Variants in CHL1 observed in about 807,000 individuals in gnomAD.
CHL1 encodes the protein cell adhesion molecule L1 like.
Under a neutral mutation model 141.9 loss-of-function variants are expected in CHL1, and 96 were observed. The ratio of observed to expected loss-of-function variants is 0.68; its 90% CI spans 0.57 to 0.80. The LOEUF is 0.80. Among genes scored for constraint, CHL1 ranks in the 30% least tolerant of loss-of-function variants. The pLI, the probability that CHL1 is intolerant of heterozygous loss-of-function variation, is 0.00. For missense variants in CHL1, 1,820 were observed against 1,457.2 expected (o/e 1.25, Z -4.05); for synonymous variants, 613 against 502.2 (o/e 1.22, Z -2.95).
intron 2 of CHL1, among the ~76,000 whole-genome samples, chr3:264,696 TC>T (rs757543091): frequency 1.3e-5 from 2 of 152,254 alleles, no homozygotes; most frequent in Admixed American, 1.3e-4. Context: ...TGATCCTTGG[TC>T]TTTTAACAAA....
chr3:354,842 T>G (rs1703578440), intron 11 of CHL1, 71 bp downstream of exon 11: 1 of 1,560,752 alleles, frequency 6.4e-7, no homozygotes, highest in Non-Finnish European at 8.7e-7. Context: ...TGGTCAGACG[T>G]GTGTAAAATG....
chr3:251,434 G>A (rs987014539), intron 2 of CHL1, among the ~76,000 whole-genome samples: 6 of 152,114 alleles, frequency 3.9e-5, no homozygotes, highest in African/African-American at 7.2e-5. Context: ...CGTAAAGTGG[G>A]CTCATAATCC....
chr3:242,064 A>G (rs17271940), intron 1 of CHL1, among the ~76,000 whole-genome samples: 33,370 of 152,116 alleles, frequency 0.22, 3,789 homozygotes, highest in Middle Eastern at 0.33. Context: ...TCCCTCCACT[A>G]TATGTATATC....
chr3:210,249 T>A (rs1699794316), intron 1 of CHL1, among the ~76,000 whole-genome samples: 1 of 152,260 alleles, frequency 6.6e-6, no homozygotes, highest in Non-Finnish European at 1.5e-5. Flanking sequence ...TATCACTGAA[T>A]GACAAACTAA....
Position 383,812 on chromosome 3 carries a change from T to C in CHL1, c.2177-4T>C. ...AAATAATGTTAATGTTTTTAATTTTTCAGCTCCAGATAGGAATCCACAAAA... is the reference window on the plus strand; with the variant it reads ...AAATAATGTTAATGTTTTTAATTTTCCAGCTCCAGATAGGAATCCACAAAA... On this transcript the variant is annotated splice_region_variant and splice_polypyrimidine_tract_variant and intron_variant, in intron 18 of 27. Coordinates refer to ENST00000256509, the MANE Select transcript of CHL1 (RefSeq NM_006614.4). The C allele has an allele frequency of 6.2e-7, 1 of 1,607,136 alleles. No individual in the cohort carries two copies. The highest frequency in any genetic ancestry group is 1.1e-5 in the South Asian group (1 of 90,636).
At chr3:371,702 A>T (rs1705656040) in intron 15 of CHL1, among the ~76,000 whole-genome samples, 1 of 151,912 alleles carries the variant, frequency 6.6e-6, no homozygotes, top group Non-Finnish European at 1.5e-5. Flanking sequence ...TCATCATGTC[A>T]TTGGTCTTTA....
intron 2 of CHL1, among the ~76,000 whole-genome samples, chr3:306,682 A>T (rs996795541): frequency 6.6e-6 from 1 of 152,212 alleles, no homozygotes; most frequent in Non-Finnish European, 1.5e-5. Flanking sequence ...GGAAAAAGAA[A>T]TGTGATGACA....
chr3:396,866 A>G (rs2106408335), intron 24 of CHL1, among the ~76,000 whole-genome samples: 1 of 152,264 alleles, frequency 6.6e-6, no homozygotes, highest in East Asian at 1.9e-4. Context: ...AAAAATATAT[A>G]TTTCCAATGA....
At chr3:300,484 T>C (rs1398948990) in intron 2 of CHL1, among the ~76,000 whole-genome samples, 2 of 152,130 alleles carry the variant, frequency 1.3e-5, no homozygotes, top group Admixed American at 6.6e-5. Context: ...TAGGGCACAA[T>C]GTGGTTAAGC....
chr3:322,038 C>G (rs1700604301), intron 3 of CHL1, among the ~76,000 whole-genome samples: 1 of 152,054 alleles, frequency 6.6e-6, no homozygotes, highest in Non-Finnish European at 1.5e-5. Flanking sequence ...AAGTTATTAG[C>G]TGATATCTAA....
intron 1 of CHL1, among the ~76,000 whole-genome samples, chr3:240,157 A>G (rs1026655247): frequency 4.6e-5 from 7 of 152,204 alleles, no homozygotes; most frequent in African/African-American, 1.7e-4. Flanking sequence ...TTAGTTCTGT[A>G]AGGAATCTCC....
chr3:267,434 A>G (rs1695253972), intron 2 of CHL1, among the ~76,000 whole-genome samples: 2 of 152,164 alleles, frequency 1.3e-5, no homozygotes, highest in Non-Finnish European at 2.9e-5. Flanking sequence ...TTACATTTAT[A>G]TTTTACTTCA....
chr3:234,327 T>C (rs1691730305), intron 1 of CHL1, among the ~76,000 whole-genome samples: 2 of 152,172 alleles, frequency 1.3e-5, no homozygotes, highest in African/African-American at 4.8e-5. Flanking sequence ...CCAATTGCTG[T>C]CTCCTACAAA....
rs141600623 is a variant in CHL1 at position 308,321 on chromosome 3, T to C, written c.-94-11362T>C. Among the ~76,000 whole-genome samples, 510 of 152,260 alleles carry C rather than the reference T, an allele frequency of 3.3e-3. 5 individuals carry two copies. The highest frequency in any genetic ancestry group is 0.012 in the African/African-American group (492 of 41,540). On this transcript the variant is annotated intron_variant, in intron 2 of 27. Transcript: ENST00000256509. ...GCAAGCGCAAAAATAATGAATAGGA[T>C]CTGGCAACTGCCTCATAAAATGTAC...
chr3:366,284 A>T (rs2125295317), intron 15 of CHL1, among the ~76,000 whole-genome samples, 169 bp downstream of exon 15: 1 of 152,210 alleles, frequency 6.6e-6, no homozygotes, highest in Non-Finnish European at 1.5e-5. Flanking sequence ...TAGCCTGACC[A>T]ACACGGTGAA....
intron 1 of CHL1, among the ~76,000 whole-genome samples, chr3:215,055 T>C (rs1700201900): frequency 6.6e-6 from 1 of 152,076 alleles, no homozygotes; most frequent in Non-Finnish European, 1.5e-5. Context: ...TACATTCTCA[T>C]GCTAGCAAAA....
chr3:269,548 G>A (rs1463804527), intron 2 of CHL1, among the ~76,000 whole-genome samples: 2 of 152,074 alleles, frequency 1.3e-5, no homozygotes, highest in Admixed American at 6.5e-5. Context: ...TATATGAGAT[G>A]GAGTTCTGCT....
intron 5 of CHL1, among the ~76,000 whole-genome samples, chr3:328,683 T>A (rs1362897879): frequency 6.6e-6 from 1 of 152,150 alleles, no homozygotes; most frequent in East Asian, 1.9e-4. Flanking sequence ...CCAAAACCTC[T>A]ATGTAAACAT....
rs1167579521 is a variant in CHL1, at chr3:366,684, C to CAA, written c.1751+586_1751+587dup. 2.0e-3 allele frequency among the ~76,000 whole-genome samples: 176 copies of CAA among 86,504 alleles called. 15 individuals are homozygous for CAA. The highest frequency in any genetic ancestry group is 6.3e-3 in the Middle Eastern group (1 of 158). The allele number at this position is 86,504 out of a possible 152,430, so 56.7% of individuals were successfully genotyped here. Reference sequence around the variant, plus strand: ...AGAATTGCATGGGCTTGGATGGTTGCAAAAAAAAAAAAAAAAAACTGGAGG... The same window carrying CAA: ...AGAATTGCATGGGCTTGGATGGTTGCAAAAAAAAAAAAAAAAAAAACTGGAGG... On this transcript the variant is annotated intron_variant, in intron 15 of 27. Coordinates refer to ENST00000256509, the MANE Select transcript of CHL1 (RefSeq NM_006614.4).
Sources: allele counts gnomAD v4.1 joint callset (sites outside exome capture counted in the v4.1 genomes callset), GRCh38; gene constraint gnomAD v4.1.1; transcripts MANE v1.5; gene names NCBI Gene and HGNC (gene_info 2026-07-23, HGNC 2026-07-21).